ROBO2: variants seen among roughly 807,000 people sequenced by gnomAD.
The protein encoded by ROBO2 is roundabout homolog 2.
In ROBO2, 53 loss-of-function variants were observed where a neutral mutation model predicts 160.8. That is an observed-to-expected ratio of 0.33 (90% CI 0.26 to 0.41). The LOEUF (loss-of-function observed/expected upper bound fraction) is 0.41. ROBO2 is among the 10% of genes least tolerant of loss of function. The pLI is 1.00. For synonymous variants in ROBO2, 664 were observed against 611.7 expected (o/e 1.09, Z -1.26); for missense variants, 1,577 against 1,722.4 (o/e 0.92, Z 1.49).
intron 1 of ROBO2, among the ~76,000 whole-genome samples, chr3:77,080,393 G>T (rs2068518175): frequency 6.6e-6 from 1 of 152,268 alleles, no homozygotes; most frequent in African/African-American, 2.4e-5. Flanking sequence ...TGGATTAAAA[G>T]AAATTAGATT....
rs527835355 is a variant in ROBO2 at position 77,040,672 on chromosome 3, G to T, written c.-114G>T. ...GATTTGCTCTTCTTGACTTTAATTAGTATCTAGGAAAGTCTAAACTTTGGA... is the reference window on the plus strand; with the variant it reads ...GATTTGCTCTTCTTGACTTTAATTATTATCTAGGAAAGTCTAAACTTTGGA... On this transcript the variant is annotated 5_prime_UTR_variant, in exon 1 of 26. It removes the in-frame stop codon of an upstream open reading frame in the 5' UTR. Transcript: ENST00000461745. 6.3e-7 allele frequency: 1 copy of T among 1,591,340 alleles called. No individual in the cohort carries two copies. The highest frequency in any genetic ancestry group is 1.4e-5 in the African/African-American group (1 of 73,952).
chr3:76,710,476 A>T (rs1043590174), intron 2 of ROBO2, among the ~76,000 whole-genome samples: 5 of 152,266 alleles, frequency 3.3e-5, no homozygotes, highest in South Asian at 2.1e-4. Context: ...ATAAGAAGAC[A>T]TTATTTAAAC....
At chr3:77,241,175 A>C (rs991974767) in intron 2 of ROBO2, among the ~76,000 whole-genome samples, 9 of 152,252 alleles carry the variant, frequency 5.9e-5, no homozygotes, top group African/African-American at 2.2e-4. Context: ...CATATTGTAG[A>C]CATATACATT....
At chr3:76,213,918 A>G (rs745589607) in intron 2 of ROBO2, among the ~76,000 whole-genome samples, 1 of 152,158 alleles carries the variant, frequency 6.6e-6, no homozygotes, top group Non-Finnish European at 1.5e-5. Context: ...CAGTATAGAT[A>G]GATAGATTTA....
intron 2 of ROBO2, among the ~76,000 whole-genome samples, chr3:77,222,053 A>G (rs1357887949): frequency 6.6e-6 from 1 of 151,670 alleles, no homozygotes. Flanking sequence ...GAGTTTCACC[A>G]TGTTGGCCAG....
rs142332437 is a variant in ROBO2, at chr3:77,494,686, T to A, written c.806+1304T>A. Among the ~76,000 whole-genome samples the A allele has an allele frequency of 4.8e-3, 731 of 152,368 alleles. 7 individuals are homozygous for A. The highest frequency in any genetic ancestry group is 0.017 in the African/African-American group (699 of 41,590). ...GAAGCTGTATACCTTTTATGTGCTTTCACTGCTATCAGTAATTTCCTAAAT... is the reference window on the plus strand; with the variant it reads ...GAAGCTGTATACCTTTTATGTGCTTACACTGCTATCAGTAATTTCCTAAAT... On this transcript the variant is annotated intron_variant, in intron 5 of 25. Transcript: ENST00000461745.
intron 2 of ROBO2, among the ~76,000 whole-genome samples, chr3:76,733,750 A>G (rs2107897045): frequency 1.3e-5 from 2 of 152,280 alleles, no homozygotes; most frequent in East Asian, 3.9e-4. Flanking sequence ...TTTTATACTC[A>G]TTTATGTTTG....
chr3:76,918,997 C>T (rs2076500547), intron 2 of ROBO2, among the ~76,000 whole-genome samples: 3 of 151,002 alleles, frequency 2.0e-5, no homozygotes, highest in African/African-American at 7.3e-5. Flanking sequence ...CATTTATATC[C>T]TTTGCCACTT....
At chr3:77,166,944 A>G (rs1407770005) in intron 2 of ROBO2, among the ~76,000 whole-genome samples, 6 of 152,144 alleles carry the variant, frequency 3.9e-5, no homozygotes, top group Non-Finnish European at 7.3e-5. Flanking sequence ...AAAAGTTACA[A>G]ATGTCAACTC....
At chr3:77,157,369 T>A (rs2078109157) in intron 2 of ROBO2, among the ~76,000 whole-genome samples, 1 of 152,128 alleles carries the variant, frequency 6.6e-6, no homozygotes, top group Non-Finnish European at 1.5e-5. Flanking sequence ...TAAACTATAT[T>A]CAGCTTCATT....
intron 2 of ROBO2, among the ~76,000 whole-genome samples, chr3:76,436,022 TGAG>T (rs1321675082): frequency 6.6e-6 from 1 of 151,992 alleles, no homozygotes; most frequent in Non-Finnish European, 1.5e-5. Context: ...GCCTCAACCA[TGAG>T]ATAGGAGAGT....
intron 2 of ROBO2, among the ~76,000 whole-genome samples, chr3:77,198,425 T>C (rs1292805977): frequency 6.6e-6 from 1 of 152,088 alleles, no homozygotes; most frequent in Non-Finnish European, 1.5e-5. Flanking sequence ...AGTTGGCTGA[T>C]TTAAAGCAAT....
At chr3:77,243,081 G>A (rs1280785382) in intron 2 of ROBO2, among the ~76,000 whole-genome samples, 1 of 151,756 alleles carries the variant, frequency 6.6e-6, no homozygotes, top group Non-Finnish European at 1.5e-5. Context: ...CCAACTTTCT[G>A]ATCTAGGATG....
intron 2 of ROBO2, among the ~76,000 whole-genome samples, chr3:77,190,673 T>C (rs1161590556): frequency 6.6e-6 from 1 of 152,050 alleles, no homozygotes; most frequent in East Asian, 1.9e-4. Flanking sequence ...TAAAGCTTTT[T>C]TTAAAAGAAC....
upstream of ROBO2, among the ~76,000 whole-genome samples, chr3:77,037,579 A>G (rs569183278): frequency 2.6e-5 from 4 of 152,336 alleles, no homozygotes; most frequent in Non-Finnish European, 5.9e-5. Context: ...TTCTATGAAT[A>G]GGGCAACATT....
chr3:76,297,401 T>A (rs1316707412), intron 2 of ROBO2, among the ~76,000 whole-genome samples: 2 of 152,156 alleles, frequency 1.3e-5, no homozygotes, highest in African/African-American at 4.8e-5. Flanking sequence ...TCCCTGGTCA[T>A]CTCTGAGTAA....
At chr3:76,364,315 C>G (rs2075687501) in intron 2 of ROBO2, among the ~76,000 whole-genome samples, 1 of 152,014 alleles carries the variant, frequency 6.6e-6, no homozygotes, top group Non-Finnish European at 1.5e-5. Context: ...TATTTCTACT[C>G]TTTTTTCAGC....
chr3:76,236,058 A>G (rs1162980778), intron 2 of ROBO2, among the ~76,000 whole-genome samples: 2 of 152,276 alleles, frequency 1.3e-5, no homozygotes, highest in East Asian at 3.9e-4. Context: ...TTGGTTGTTA[A>G]TCACCAGCTC....
intron 1 of ROBO2, among the ~76,000 whole-genome samples, chr3:75,911,009 A>G (rs1243102970): frequency 2.6e-5 from 4 of 151,942 alleles, no homozygotes; most frequent in African/African-American, 4.8e-5. Flanking sequence ...TATAAGCTAT[A>G]TTGTAGATAT....
Sources: allele counts gnomAD v4.1 joint callset (sites outside exome capture counted in the v4.1 genomes callset), GRCh38; gene constraint gnomAD v4.1.1; transcripts MANE v1.5; gene names NCBI Gene and HGNC (gene_info 2026-07-23, HGNC 2026-07-21).